Variants in LHFPL6 observed in about 807,000 individuals in gnomAD.
LHFPL6 encodes the protein LHFPL tetraspan subfamily member 6 protein.
In LHFPL6, 9 loss-of-function variants were observed where a neutral mutation model predicts 20.6. The observed-to-expected ratio is 0.44, with a 90% CI of 0.26 to 0.76. The LOEUF is 0.76. LHFPL6 is among the 30% of genes least tolerant of loss of function. LHFPL6 has a pLI of 0.20. For missense variants in LHFPL6, 218 were observed against 253.5 expected (o/e 0.86, Z 0.95); for synonymous variants, 105 against 98.7 (o/e 1.06, Z -0.38).
chr13:39,557,104 G>A (rs1314453628), intron 2 of LHFPL6, among the ~76,000 whole-genome samples: 7 of 152,210 alleles, frequency 4.6e-5, no homozygotes, highest in Non-Finnish European at 1.5e-5. Flanking sequence ...AGGGTGCCAA[G>A]TGTTACTATC....
At chr13:39,456,241 T>C (rs532876416) in intron 2 of LHFPL6, among the ~76,000 whole-genome samples, 9 of 152,250 alleles carry the variant, frequency 5.9e-5, no homozygotes, top group Non-Finnish European at 1.3e-4. Context: ...TAAATGTATA[T>C]GCTCTTCCAA....
At position 39,566,809 on chromosome 13, in the gene LHFPL6, C is replaced by T. The variant is rs74795445; in HGVS notation, c.385+34023G>A. Among the ~76,000 whole-genome samples, 411 of 148,652 alleles carry T rather than the reference C, an allele frequency of 2.8e-3. 2 individuals carry two copies. Among genetic ancestry groups the T allele is most frequent in the African/African-American group, 9.7e-3 (392 of 40,340 alleles). ...AAAATTGAAAGTGACCTCTACTTGG[C>T]GGAACTCCTCTAAAACCTAGGTTAA... On this transcript the variant is annotated intron_variant, in intron 2 of 3. Transcript: ENST00000379589.
intron 2 of LHFPL6, among the ~76,000 whole-genome samples, chr13:39,566,527 G>T (rs1253091582): frequency 6.6e-6 from 1 of 151,836 alleles, no homozygotes; most frequent in African/African-American, 2.4e-5. Context: ...GATCACTAGA[G>T]CCTAGGAGTT....
chr13:39,578,608 AT>A (rs1313620194), intron 2 of LHFPL6, among the ~76,000 whole-genome samples: 1 of 152,186 alleles, frequency 6.6e-6, no homozygotes, highest in Non-Finnish European at 1.5e-5. Flanking sequence ...TGAACCCCAA[AT>A]CAGTATCTTG....
intron 2 of LHFPL6, among the ~76,000 whole-genome samples, chr13:39,535,498 A>AT (rs907336050): frequency 3.3e-5 from 5 of 152,214 alleles, no homozygotes; most frequent in African/African-American, 9.6e-5. Context: ...ATTAAAATGC[A>AT]TTTTTTGGTG....
intron 3 of LHFPL6, among the ~76,000 whole-genome samples, chr13:39,365,715 C>A (rs894119461): frequency 5.3e-5 from 8 of 152,130 alleles, no homozygotes; most frequent in African/African-American, 1.9e-4. Flanking sequence ...TCCTAGCTCT[C>A]TTTTTAGGTA....
At chr13:39,468,406 C>G (rs1007575272) in intron 2 of LHFPL6, among the ~76,000 whole-genome samples, 1 of 151,938 alleles carries the variant, frequency 6.6e-6, no homozygotes, top group Non-Finnish European at 1.5e-5. Flanking sequence ...TGGGTGTGGG[C>G]AGCAGGAACT....
intron 2 of LHFPL6, among the ~76,000 whole-genome samples, chr13:39,520,626 G>A (rs1428988020): frequency 6.6e-6 from 1 of 152,190 alleles, no homozygotes; most frequent in African/African-American, 2.4e-5. Flanking sequence ...GTCAAAGGTG[G>A]GATTTGAGTC....
At chr13:39,467,502 C>T (rs1872834891) in intron 2 of LHFPL6, among the ~76,000 whole-genome samples, 1 of 152,130 alleles carries the variant, frequency 6.6e-6, no homozygotes, top group Non-Finnish European at 1.5e-5. Context: ...GTCTCTCTAA[C>T]CAACCCTGCT....
chr13:39,488,249 C>G (rs1383018060), intron 2 of LHFPL6, among the ~76,000 whole-genome samples: 1 of 152,192 alleles, frequency 6.6e-6, no homozygotes, highest in Non-Finnish European at 1.5e-5. Context: ...TCCCAGCCTC[C>G]AGAACTGTCA....
At chr13:39,562,409 C>CATATATACATAT (rs1354505026) in intron 2 of LHFPL6, among the ~76,000 whole-genome samples, 5 of 101,822 alleles carry the variant, frequency 4.9e-5, no homozygotes, top group African/African-American at 1.6e-4. Flanking sequence ...CATATATACA[C>CATATATACATAT]ATATACACAT....
At chr13:39,433,100 TAG>T (rs1871860376) in intron 2 of LHFPL6, among the ~76,000 whole-genome samples, 1 of 152,244 alleles carries the variant, frequency 6.6e-6, no homozygotes, top group South Asian at 2.1e-4. Context: ...TATGCCAATT[TAG>T]AGGTAGGAGA....
intron 2 of LHFPL6, among the ~76,000 whole-genome samples, chr13:39,409,175 C>T (rs1018508779): frequency 6.6e-6 from 1 of 152,130 alleles, no homozygotes; most frequent in African/African-American, 2.4e-5. Context: ...AATGTACTGC[C>T]AGACGCGGTG....
intron 3 of LHFPL6, among the ~76,000 whole-genome samples, chr13:39,363,262 A>C (rs879393253): frequency 6.6e-6 from 1 of 152,124 alleles, no homozygotes; most frequent in Non-Finnish European, 1.5e-5. Context: ...GCCTCTTTTA[A>C]ATTCAAGCCT....
chr13:39,346,857 T>C (rs1369193323), intron 3 of LHFPL6, among the ~76,000 whole-genome samples: 1 of 151,972 alleles, frequency 6.6e-6, no homozygotes, highest in Non-Finnish European at 1.5e-5. Flanking sequence ...AAACCCCATC[T>C]CTACTAAAAA....
intron 2 of LHFPL6, among the ~76,000 whole-genome samples, chr13:39,595,371 C>T (rs752445215): frequency 1.3e-5 from 2 of 152,160 alleles, no homozygotes; most frequent in Non-Finnish European, 2.9e-5. Context: ...CGGCTCACTG[C>T]AATCTCAGCC....
intron 2 of LHFPL6, among the ~76,000 whole-genome samples, chr13:39,513,183 C>G (rs1869784381): frequency 2.0e-5 from 3 of 152,142 alleles, no homozygotes; most frequent in African/African-American, 7.2e-5. Context: ...CATTTTAGAG[C>G]AAATCAAATA....
At chr13:39,548,016 A>C (rs971207887) in intron 2 of LHFPL6, among the ~76,000 whole-genome samples, 5 of 152,098 alleles carry the variant, frequency 3.3e-5, no homozygotes, top group African/African-American at 1.2e-4. Context: ...AAAGGTCGTA[A>C]AACTCAGTGG....
intron 3 of LHFPL6, among the ~76,000 whole-genome samples, chr13:39,357,386 A>C (rs1869754127): frequency 1.3e-5 from 2 of 152,186 alleles, no homozygotes; most frequent in South Asian, 4.2e-4. Flanking sequence ...CCCACAGCCA[A>C]CATCATACTC....
Sources: allele counts gnomAD v4.1 joint callset (sites outside exome capture counted in the v4.1 genomes callset), GRCh38; gene constraint gnomAD v4.1.1; transcripts MANE v1.5; gene names NCBI Gene and HGNC (gene_info 2026-07-23, HGNC 2026-07-21).